TRPC7: variants seen among roughly 807,000 people sequenced by gnomAD.
TRPC7 encodes the protein short transient receptor potential channel 7.
A neutral mutation model predicts 90.1 loss-of-function variants in TRPC7; 42 were observed. The observed-to-expected ratio is 0.47, with a 90% CI of 0.36 to 0.60. The LOEUF is 0.60. Among genes scored for constraint, TRPC7 ranks in the 20% least tolerant of loss-of-function variants. TRPC7 has a pLI of 0.00. For synonymous variants in TRPC7, 451 were observed against 436.3 expected (o/e 1.03, Z -0.42); for missense variants, 955 against 1,112.3 (o/e 0.86, Z 2.01).
In TRPC7 at chr5:136,365,412, G is replaced by GA. The variant is rs1440903113; in HGVS notation, c.-159dup. 1.4e-6 allele frequency: 1 copy of GA among 731,452 alleles called. No individual in the cohort carries two copies. The highest frequency in any genetic ancestry group is 1.8e-5 in the African/African-American group (1 of 56,892). 45.3% of individuals were successfully genotyped at this position (731,452 alleles called of 1,614,324 possible). Reference sequence around the variant, plus strand: ...CAAGTGAGTTAAGTTGCAACGATGTGAAAGCGCGCTCCTCTGTTCTTTGTG... The same window carrying GA: ...CAAGTGAGTTAAGTTGCAACGATGTGAAAAGCGCGCTCCTCTGTTCTTTGTG... On this transcript the variant is annotated 5_prime_UTR_variant, in exon 1 of 12. Transcript: ENST00000513104.
chr5:136,315,821 C>T (rs1265659330), intron 2 of TRPC7, 42 bp from the exon 3 acceptor site: 5 of 1,585,812 alleles, frequency 3.2e-6, no homozygotes, highest in Non-Finnish European at 4.3e-6. Flanking sequence ...CACATGGAGG[C>T]CCGCAGATTG....
At chr5:136,286,462 C>A (rs904446591) in intron 3 of TRPC7, among the ~76,000 whole-genome samples, 1 of 152,132 alleles carries the variant, frequency 6.6e-6, no homozygotes, top group African/African-American at 2.4e-5. Context: ...TCCCTGAGAC[C>A]CCCATGCTGT....
In TRPC7 at chr5:136,247,086, T is replaced by G. The variant is rs899718154; in HGVS notation, c.1844+385A>C. On this transcript the variant is annotated intron_variant, in intron 7 of 11. Coordinates refer to ENST00000513104, the MANE Select transcript of TRPC7 (RefSeq NM_020389.3). The surrounding 1 kb of genome is among the most constrained non-coding windows in gnomAD (Gnocchi z 4.2). ...TCACATCACTCTAGTCTATCAACTT[T>G]GGAAACAAAAGACAACATTATATTA... is the stretch of plus-strand genomic sequence containing the variant. Among the ~76,000 whole-genome samples, 7 of 152,352 alleles carry G rather than the reference T, an allele frequency of 4.6e-5. 1 individual carries two copies. The highest frequency in any genetic ancestry group is 4.6e-4 in the Admixed American group (7 of 15,302).
chr5:136,288,619 A>C (rs990723038), intron 3 of TRPC7, among the ~76,000 whole-genome samples: 1 of 152,178 alleles, frequency 6.6e-6, no homozygotes, highest in African/African-American at 2.4e-5. Context: ...AGCAAAGTTA[A>C]ACAATTTGCC....
chr5:136,226,737 C>A (rs1257186301), intron 8 of TRPC7, among the ~76,000 whole-genome samples: 2 of 152,078 alleles, frequency 1.3e-5, no homozygotes, highest in Admixed American at 6.5e-5. Context: ...TTCTACTAGC[C>A]CCATTCTAAA....
At chr5:136,216,756 C>T (rs1387691638) in intron 10 of TRPC7, among the ~76,000 whole-genome samples, 3 of 152,156 alleles carry the variant, frequency 2.0e-5, no homozygotes, top group Admixed American at 6.5e-5. Context: ...TGAAGAGATC[C>T]GCTGGGTACA....
At chr5:136,259,847 C>T (rs944839459) in intron 5 of TRPC7, among the ~76,000 whole-genome samples, 2 of 152,226 alleles carry the variant, frequency 1.3e-5, no homozygotes, top group African/African-American at 4.8e-5. Context: ...CTCAGCCTTG[C>T]TCCTCACTTG....
intron 3 of TRPC7, among the ~76,000 whole-genome samples, chr5:136,311,824 G>A (rs1758842434): frequency 6.6e-6 from 1 of 152,174 alleles, no homozygotes; most frequent in African/African-American, 2.4e-5. Flanking sequence ...GGCCTAGAGG[G>A]GCTGGGATGC....
intron 5 of TRPC7, among the ~76,000 whole-genome samples, chr5:136,257,222 G>A (rs542297268): frequency 4.8e-5 from 7 of 146,336 alleles, no homozygotes; most frequent in South Asian, 2.2e-4. Flanking sequence ...TCACTCTGTC[G>A]CCCAGGCTGG....
chr5:136,300,245 T>G (rs759537862), intron 3 of TRPC7, among the ~76,000 whole-genome samples: 2 of 152,226 alleles, frequency 1.3e-5, no homozygotes, highest in African/African-American at 2.4e-5. Flanking sequence ...ATTTACAGAA[T>G]GCCTGAAGAA....
chr5:136,319,464 G>A (rs1019054530), intron 2 of TRPC7, among the ~76,000 whole-genome samples: 3 of 151,562 alleles, frequency 2.0e-5, no homozygotes, highest in Non-Finnish European at 4.4e-5. Context: ...TGTTTCTCTT[G>A]TTTTAAAAAG....
chr5:136,345,547 C>T (rs570428149), intron 2 of TRPC7, among the ~76,000 whole-genome samples: 12 of 151,800 alleles, frequency 7.9e-5, no homozygotes, highest in Admixed American at 3.9e-4. Context: ...GGTGACAGAG[C>T]GAGACTCCGC....
chr5:136,337,270 A>G lies in TRPC7; in HGVS notation c.780+19338T>C, dbSNP rs1030604776. ...CTAAATTTGCAGTCTTAGAGGAGATACTATTTAGAGGAATAAACTCTTGCT... is the reference window on the plus strand; with the variant it reads ...CTAAATTTGCAGTCTTAGAGGAGATGCTATTTAGAGGAATAAACTCTTGCT... On this transcript the variant is annotated intron_variant, in intron 2 of 11. Transcript: ENST00000513104. Among the ~76,000 whole-genome samples, 4 of 152,224 alleles carry G rather than the reference A, an allele frequency of 2.6e-5. No individual in the cohort carries two copies. In the East Asian group the frequency reaches 7.7e-4, roughly 29 times the overall value.
intron 3 of TRPC7, among the ~76,000 whole-genome samples, chr5:136,302,834 C>T (rs565149130): frequency 6.6e-6 from 1 of 152,234 alleles, no homozygotes; most frequent in African/African-American, 2.4e-5. Flanking sequence ...TCAGTCCCTT[C>T]CTAGTCTCTG....
intron 2 of TRPC7, among the ~76,000 whole-genome samples, chr5:136,318,097 T>A (rs1231904741): frequency 6.6e-6 from 1 of 152,136 alleles, no homozygotes; most frequent in Non-Finnish European, 1.5e-5. Flanking sequence ...AACCCAGGCC[T>A]GCGAGGAAGA....
At position 136,306,846 on chromosome 5, in the gene TRPC7, C is replaced by A. The variant is rs571327564; in HGVS notation, c.963+8751G>T. ...GTACTTTGTGAGATCCACCCCTGCC[C>A]GCAAAACATTGTTCTTAACTTCACC... On this transcript the variant is annotated intron_variant, in intron 3 of 11. Coordinates refer to ENST00000513104, the MANE Select transcript of TRPC7 (RefSeq NM_020389.3). Among the ~76,000 whole-genome samples the A allele has an allele frequency of 9.2e-5, 14 of 152,256 alleles. No homozygotes were observed. The South Asian group carries it at 2.7e-3, about 29-fold the overall frequency.
At chr5:136,301,002 G>C (rs1165532413) in intron 3 of TRPC7, among the ~76,000 whole-genome samples, 1 of 152,196 alleles carries the variant, frequency 6.6e-6, no homozygotes, top group East Asian at 1.9e-4. Context: ...AAAAGAATTG[G>C]ATTACAAATT....
chr5:136,256,348 C>G lies in TRPC7; in HGVS notation c.1346-4466G>C, dbSNP rs141000572. ...CAAGTTAGTGCATCTAGCCCTGAAA[C>G]TTTGTCCTTCATTTCCTTGCATATG... On this transcript the variant is annotated intron_variant, in intron 5 of 11. Coordinates refer to ENST00000513104, the MANE Select transcript of TRPC7 (RefSeq NM_020389.3). Among the ~76,000 whole-genome samples the G allele has an allele frequency of 2.8e-3, 420 of 152,304 alleles. 1 individual carries two copies. The highest frequency in any genetic ancestry group is 3.9e-3 in the Admixed American group (60 of 15,296).
At chr5:136,261,583 G>C (rs1468577608) in intron 5 of TRPC7, among the ~76,000 whole-genome samples, 1 of 152,208 alleles carries the variant, frequency 6.6e-6, no homozygotes, top group Admixed American at 6.5e-5. Context: ...ATTCGACATT[G>C]TCATCACTCC....
Sources: allele counts gnomAD v4.1 joint callset (sites outside exome capture counted in the v4.1 genomes callset), GRCh38; gene constraint gnomAD v4.1.1; non-coding constraint Gnocchi (gnomAD v3.1); transcripts MANE v1.5; gene names NCBI Gene and HGNC (gene_info 2026-07-23, HGNC 2026-07-21).